MAP4K4: variants seen among roughly 807,000 people sequenced by gnomAD.
MAP4K4 encodes mitogen-activated protein kinase kinase kinase kinase 4.
A neutral mutation model predicts 189.6 loss-of-function variants in MAP4K4; 38 were observed. That is an observed-to-expected ratio of 0.20 (90% confidence interval 0.15 to 0.26). The LOEUF (loss-of-function observed/expected upper bound fraction) is 0.26. Among genes scored for constraint, MAP4K4 ranks in the 10% least tolerant of loss-of-function variants. The pLI, the probability that MAP4K4 is intolerant of heterozygous loss-of-function variation, is 1.00. For synonymous variants in MAP4K4, 610 were observed against 624.3 expected, an observed-to-expected ratio of 0.98 and a Z score of 0.34; for missense variants, 1,054 against 1,726.9, an observed-to-expected ratio of 0.61 and a Z score of 6.91.
At chr2:101,781,546 G>C (rs898159975) in intron 2 of MAP4K4, among the ~76,000 whole-genome samples, 2 of 152,116 alleles carry the variant, frequency 1.3e-5, no homozygotes, top group African/African-American at 2.4e-5. Flanking sequence ...GTGAGAGGGA[G>C]GGGGAAGGGG....
At chr2:101,749,204 C>T (rs1344112930) in intron 2 of MAP4K4, among the ~76,000 whole-genome samples, 1 of 151,862 alleles carries the variant, frequency 6.6e-6, no homozygotes, top group Non-Finnish European at 1.5e-5. Flanking sequence ...ATTGCCAAGT[C>T]AATCCTAAGC....
chr2:101,829,369 A>G (rs964232515), intron 5 of MAP4K4, 135 bp from the exon 6 acceptor site: 1 of 611,694 alleles, frequency 1.6e-6, no homozygotes, highest in East Asian at 2.9e-5. Flanking sequence ...CTGGGAATGC[A>G]CTAAGACGAA....
At chr2:101,851,389 A>C (rs569339059) in intron 12 of MAP4K4, among the ~76,000 whole-genome samples, 1 of 152,332 alleles carries the variant, frequency 6.6e-6, no homozygotes, top group South Asian at 2.1e-4. Flanking sequence ...AAGCATGTTC[A>C]TTAAAATTCC....
Position 101,859,865 on chromosome 2 carries a change from G to C in MAP4K4, c.1704+1G>C, listed in dbSNP as rs1186151174. On this transcript the variant is annotated splice_donor_variant, in intron 15 of 32. Transcript: ENST00000324219. LOFTEE classifies it high-confidence loss of function. The stretch of plus-strand genomic sequence containing the variant: ...CGAGCCTGCTGACCGAGCGCGAGAG[G>C]TATCCTCTTTCCTTTGTCACTTAGA... 1 of 1,594,384 alleles carries C rather than the reference G, an allele frequency of 6.3e-7. No homozygotes were observed. The highest frequency in any genetic ancestry group is 1.1e-5 in the South Asian group (1 of 87,460).
At position 101,818,390 on chromosome 2, in the gene MAP4K4, C is replaced by T. The variant is rs188080016; in HGVS notation, c.181-5538C>T. Among the ~76,000 whole-genome samples the T allele has an allele frequency of 2.0e-4, 31 of 152,196 alleles. 1 individual carries two copies. The highest frequency in any genetic ancestry group is 8.3e-4 in the South Asian group (4 of 4,820). ...TCGCCTTTTTCTTTTATCCAGCTGT[C>T]GCCGAGTCTCCATTTAATTCTGTAA... On this transcript the variant is annotated intron_variant, in intron 3 of 32. Coordinates refer to ENST00000324219, the Ensembl canonical transcript of MAP4K4.
intron 14 of MAP4K4, 26 bp downstream of exon 14, chr2:101,859,108 T>G: frequency 1.3e-6 from 2 of 1,593,476 alleles, no homozygotes; most frequent in Non-Finnish European, 1.7e-6. Flanking sequence ...TGTTTCATTC[T>G]GTAGCATCAG....
intron 2 of MAP4K4, among the ~76,000 whole-genome samples, chr2:101,732,131 T>C (rs2058728677): frequency 6.6e-6 from 1 of 152,198 alleles, no homozygotes; most frequent in Non-Finnish European, 1.5e-5. Flanking sequence ...ATTTATAAAC[T>C]CTGTGGGAGA....
rs114445857 is a variant in MAP4K4, at chr2:101,767,592, C to T, written c.124-23128C>T. On this transcript the variant is annotated intron_variant, in intron 2 of 32. Coordinates refer to ENST00000324219, the Ensembl canonical transcript of MAP4K4. Reference sequence around the variant, plus strand: ...TTTAACTCTGAGACCTCAGAAAGTACACCAGTGCTAATCATTTGGTGTGAA... The same window carrying T: ...TTTAACTCTGAGACCTCAGAAAGTATACCAGTGCTAATCATTTGGTGTGAA... 4.7e-3 allele frequency among the ~76,000 whole-genome samples: 721 copies of T among 152,326 alleles called. 5 individuals are homozygous for T. Among genetic ancestry groups the T allele is most frequent in the African/African-American group, 0.017 (690 of 41,580 alleles).
intron 2 of MAP4K4, among the ~76,000 whole-genome samples, chr2:101,719,264 G>A (rs558743202): frequency 5.3e-5 from 8 of 152,282 alleles, no homozygotes; most frequent in African/African-American, 1.9e-4. Context: ...TTGATGATTT[G>A]GTGACATGAC....
chr2:101,811,677 A>G lies in MAP4K4; in HGVS notation c.181-12251A>G, dbSNP rs557469778. Among the ~76,000 whole-genome samples the G allele has an allele frequency of 6.5e-4, 99 of 152,120 alleles. 2 individuals are homozygous for G. In the South Asian group the frequency reaches 0.02, roughly 31 times the overall value. Reference sequence around the variant, plus strand: ...CTGCTTGCTCTTGCCGGTGCCCCACATGGTGTTTGCTATGAAGTGGGCCCA... The same window carrying G: ...CTGCTTGCTCTTGCCGGTGCCCCACGTGGTGTTTGCTATGAAGTGGGCCCA... On this transcript the variant is annotated intron_variant, in intron 3 of 32. Coordinates refer to ENST00000324219, the Ensembl canonical transcript of MAP4K4.
At chr2:101,716,463 CA>C (rs944845445) in intron 2 of MAP4K4, among the ~76,000 whole-genome samples, 1 of 144,480 alleles carries the variant, frequency 6.9e-6, no homozygotes, top group Admixed American at 6.9e-5. Context: ...CAGAAACAAA[CA>C]AAAAAAACTA....
intron 2 of MAP4K4, among the ~76,000 whole-genome samples, chr2:101,782,170 T>C (rs1169287634): frequency 6.6e-6 from 1 of 152,226 alleles, no homozygotes; most frequent in Non-Finnish European, 1.5e-5. Flanking sequence ...AGAAAAAAGA[T>C]GCGGTGCATA....
At chr2:101,787,078 G>T (rs1227081188) in intron 2 of MAP4K4, among the ~76,000 whole-genome samples, 1 of 152,084 alleles carries the variant, frequency 6.6e-6, no homozygotes, top group African/African-American at 2.4e-5. Flanking sequence ...GTAATTTACT[G>T]GCATATTTAA....
intron 10 of MAP4K4, among the ~76,000 whole-genome samples, chr2:101,841,695 C>T (rs557251569): frequency 6.6e-6 from 1 of 152,200 alleles, no homozygotes; most frequent in South Asian, 2.1e-4. Flanking sequence ...TCTTGAACCC[C>T]TGATCTCGTG....
chr2:101,815,649 G>A (rs751783893), intron 3 of MAP4K4, among the ~76,000 whole-genome samples: 1 of 151,954 alleles, frequency 6.6e-6, no homozygotes, highest in Non-Finnish European at 1.5e-5. Context: ...TAACATACTT[G>A]ACCTTTGTTC....
At chr2:101,741,417 C>T (rs1245795094) in intron 2 of MAP4K4, among the ~76,000 whole-genome samples, 1 of 152,062 alleles carries the variant, frequency 6.6e-6, no homozygotes, top group Admixed American at 6.5e-5. Flanking sequence ...ATCTGCCTGC[C>T]TCAGCCTCCC....
chr2:101,818,988 T>G (rs545536606), intron 3 of MAP4K4, among the ~76,000 whole-genome samples: 1 of 152,248 alleles, frequency 6.6e-6, no homozygotes, highest in South Asian at 2.1e-4. Context: ...TTTCATTTGT[T>G]TATACTTGTG....
chr2:101,768,691 C>T (rs181823490), intron 2 of MAP4K4, among the ~76,000 whole-genome samples: 26 of 152,232 alleles, frequency 1.7e-4, no homozygotes, highest in Middle Eastern at 3.4e-3. Context: ...AGATTTGTTC[C>T]ACAGAAAAGG....
At chr2:101,805,117 T>C (rs1217351842) in intron 3 of MAP4K4, among the ~76,000 whole-genome samples, 1 of 151,562 alleles carries the variant, frequency 6.6e-6, no homozygotes, top group Non-Finnish European at 1.5e-5. Context: ...TTGACCTTTT[T>C]ATTGAAGTGA....
Sources: gnomAD v4.1 joint callset for allele counts (sites outside exome capture counted in the v4.1 genomes callset) on GRCh38, gnomAD v4.1.1 for gene constraint, MANE v1.5 for transcripts, NCBI Gene and HGNC (gene_info 2026-07-23, HGNC 2026-07-21) for gene names.